SNX16: variants seen among roughly 807,000 people sequenced by gnomAD.
The protein encoded by SNX16 is sorting nexin-16.
A neutral mutation model predicts 36.7 loss-of-function variants in SNX16; 35 were observed. The ratio of observed to expected loss-of-function variants is 0.95; its 90% CI spans 0.73 to 1.27. The LOEUF is 1.27. SNX16 is among the 50% of genes most tolerant of loss of function. The pLI, the probability that SNX16 is intolerant of heterozygous loss-of-function variation, is 0.00. For missense variants in SNX16, 367 were observed against 393.6 expected (o/e 0.93, Z 0.57); for synonymous variants, 134 against 132.0 (o/e 1.02, Z -0.10).
At chr8:81,815,493 A>G in intron 4 of SNX16, 99 bp from the exon 5 acceptor site, 1 of 852,204 alleles carries the variant, frequency 1.2e-6, no homozygotes, top group South Asian at 1.7e-5. Context: ...GTTTTAAACA[A>G]GTTGGTTATG....
intron 2 of SNX16, among the ~76,000 whole-genome samples, chr8:81,832,281 C>T (rs1303760777): frequency 6.6e-6 from 1 of 152,234 alleles, no homozygotes; most frequent in South Asian, 2.1e-4. Flanking sequence ...TATAGAGGTA[C>T]AGGCCATTAT....
chr8:81,818,432 A>T (rs1810586325), intron 4 of SNX16, among the ~76,000 whole-genome samples: 1 of 152,158 alleles, frequency 6.6e-6, no homozygotes, highest in Non-Finnish European at 1.5e-5. Context: ...ATCTTTAAGT[A>T]TTCTTGTTCA....
At chr8:81,829,364 A>G in intron 3 of SNX16, 66 bp downstream of exon 3, 1 of 610,678 alleles carries the variant, frequency 1.6e-6, no homozygotes, top group Non-Finnish European at 2.5e-6. Flanking sequence ...AAAATATAAC[A>G]GAAGTATAGG....
chr8:81,814,583 A>G (rs1241401229), intron 5 of SNX16: 1 of 152,100 alleles, frequency 6.6e-6, no homozygotes, highest in Non-Finnish European at 1.5e-5. Context: ...AATTTCCAAA[A>G]AAGTATTAAA....
intron 4 of SNX16, among the ~76,000 whole-genome samples, chr8:81,820,937 T>C (rs1810714796): frequency 6.6e-6 from 1 of 151,490 alleles, no homozygotes; most frequent in Non-Finnish European, 1.5e-5. Flanking sequence ...TTAAGCAATA[T>C]GTTATTAAGA....
At position 81,823,941 on chromosome 8, in the gene SNX16, C is replaced by T. The variant is rs780660151; in HGVS notation, c.463-1G>A. 8.7e-6 allele frequency: 14 copies of T among 1,604,770 alleles called. No homozygotes were observed. In the South Asian group the frequency reaches 1.6e-4, roughly 18 times the overall value. On this transcript the variant is annotated splice_acceptor_variant, in intron 3 of 7. Transcript: ENST00000345957. LOFTEE classifies it high-confidence loss of function. ...GAAAACCTGGAAACATCTCTTTTAACTGAAAAAGAAGAAAAGAGCAAATAC... is the reference window on the plus strand; with the variant it reads ...GAAAACCTGGAAACATCTCTTTTAATTGAAAAAGAAGAAAAGAGCAAATAC...
intron 5 of SNX16, among the ~76,000 whole-genome samples, chr8:81,810,359 A>C (rs1211364062): frequency 6.6e-6 from 1 of 152,158 alleles, no homozygotes; most frequent in Non-Finnish European, 1.5e-5. Flanking sequence ...CGAACTGAGT[A>C]TCCTTTGAAT....
At chr8:81,822,839 C>T (rs1810809028) in intron 4 of SNX16, among the ~76,000 whole-genome samples, 1 of 150,940 alleles carries the variant, frequency 6.6e-6, no homozygotes, top group African/African-American at 2.4e-5. Flanking sequence ...GCTTGTAGTT[C>T]CTTCATTAAG....
chr8:81,826,892 T>A (rs2130724099), intron 3 of SNX16, among the ~76,000 whole-genome samples: 1 of 152,284 alleles, frequency 6.6e-6, no homozygotes, highest in East Asian at 1.9e-4. Context: ...TAACTCCAAA[T>A]TCCTAGCACA....
chr8:81,812,849 A>G (rs989128942), intron 5 of SNX16, among the ~76,000 whole-genome samples: 2 of 152,082 alleles, frequency 1.3e-5, no homozygotes, highest in African/African-American at 4.8e-5. Flanking sequence ...GATATATGTA[A>G]AATAGATAAC....
At position 81,801,341 on chromosome 8, in the gene SNX16, CAAT is replaced by C. The variant is rs1809676738; in HGVS notation, c.*153_*155del. ...GCAGCAGTGAATATATTTCCTATCT[CAAT>C]AACTTAAAAAAACTTCTTTATGTAA... On this transcript the variant is annotated 3_prime_UTR_variant, in exon 8 of 8. Transcript: ENST00000345957. 2.4e-6 allele frequency: 1 copy of C among 421,498 alleles called. No homozygotes were observed. Among genetic ancestry groups the C allele is most frequent in the Admixed American group, 4.3e-5 (1 of 23,472 alleles). 26.1% of individuals were successfully genotyped at this position (421,498 alleles called of 1,614,324 possible).
intron 5 of SNX16, among the ~76,000 whole-genome samples, chr8:81,810,470 A>C (rs1448814842): frequency 6.6e-6 from 1 of 152,230 alleles, no homozygotes; most frequent in African/African-American, 2.4e-5. Context: ...CAAAAGAGAT[A>C]TATATCTCAT....
chr8:81,838,665 A>G (rs989506848), intron 2 of SNX16, among the ~76,000 whole-genome samples: 1 of 152,036 alleles, frequency 6.6e-6, no homozygotes, highest in Non-Finnish European at 1.5e-5. Context: ...GAAAGGTCCA[A>G]CAATAAAGAT....
At chr8:81,804,740 G>A (rs1199083111) in intron 5 of SNX16, among the ~76,000 whole-genome samples, 1 of 151,942 alleles carries the variant, frequency 6.6e-6, no homozygotes, top group Non-Finnish European at 1.5e-5. Flanking sequence ...CATACTTAAA[G>A]GCAACAGACA....
chr8:81,830,352 G>A (rs1811196762), intron 2 of SNX16, among the ~76,000 whole-genome samples: 1 of 151,836 alleles, frequency 6.6e-6, no homozygotes, highest in East Asian at 1.9e-4. Context: ...GGCGGATCAT[G>A]GGGGTCAGGA....
intron 4 of SNX16, chr8:81,815,651 T>C: frequency 3.2e-6 from 1 of 307,854 alleles, no homozygotes; most frequent in South Asian, 4.2e-5. Context: ...ACAATAATGG[T>C]TCAAGAGACC....
intron 3 of SNX16, among the ~76,000 whole-genome samples, chr8:81,824,510 T>C (rs1387901510): frequency 6.6e-6 from 1 of 151,794 alleles, no homozygotes; most frequent in Non-Finnish European, 1.5e-5. Flanking sequence ...GTTTCTTTTA[T>C]GGTTTATGCT....
At position 81,808,603 on chromosome 8, in the gene SNX16, TG is replaced by T. The variant is rs570262787; in HGVS notation, c.682-5376del. The stretch of plus-strand genomic sequence containing the variant: ...TCTTCAAATTTTGGACCCATGAAGA[TG>T]GGAAACTTTGGAGGCAGAAGCTCTG... On this transcript the variant is annotated intron_variant, in intron 5 of 7. Transcript: ENST00000345957. The T allele has an allele frequency of 5.5e-4, 529 of 954,152 alleles. 4 individuals are homozygous for T. In the African/African-American group the frequency reaches 7.5e-3, roughly 14 times the overall value. The allele number at this position is 954,152 out of a possible 1,614,324, so 59.1% of individuals were successfully genotyped here. A position where few individuals can be genotyped will look rare whatever the true frequency, so the allele number is the denominator to read the frequency against.
At chr8:81,813,489 A>C (rs1457507352) in intron 5 of SNX16, among the ~76,000 whole-genome samples, 2 of 151,264 alleles carry the variant, frequency 1.3e-5, no homozygotes, top group Non-Finnish European at 3.0e-5. Context: ...AAAATTAAAA[A>C]TATATATATG....
Sources: allele counts gnomAD v4.1 joint callset (sites outside exome capture counted in the v4.1 genomes callset), GRCh38; gene constraint gnomAD v4.1.1; transcripts MANE v1.5; gene names NCBI Gene and HGNC (gene_info 2026-07-23, HGNC 2026-07-21).